The following TOM1 variants were observed in gnomAD, a reference collection of about 807,000 sequenced individuals.
TOM1 encodes the protein target of myb1 membrane trafficking protein, also known as target of Myb protein 1.
In TOM1, 38 loss-of-function variants were observed where a neutral mutation model predicts 61.3. The ratio of observed to expected loss-of-function variants is 0.62; its 90% CI spans 0.48 to 0.81. The LOEUF (loss-of-function observed/expected upper bound fraction) is 0.81. Among genes scored for constraint, TOM1 ranks in the 40% least tolerant of loss-of-function variants. The probability of loss-of-function intolerance (pLI) is 0.00; values close to 1 mark genes in which losing one functional copy is unlikely to be tolerated. For missense variants in TOM1, 591 were observed against 659.6 expected (o/e 0.90, Z 1.14); for synonymous variants, 270 against 268.8 (o/e 1.00, Z -0.04).
chr22:35,347,544 T>C lies in TOM1; in HGVS notation c.*335T>C. 1 of 211,776 alleles carries C rather than the reference T, an allele frequency of 4.7e-6. No individual in the cohort carries two copies. Among genetic ancestry groups the C allele is most frequent in the Non-Finnish European group, 9.4e-6 (1 of 106,692 alleles). 13.1% of individuals were successfully genotyped at this position (211,776 alleles called of 1,614,324 possible). A position where few individuals can be genotyped will look rare whatever the true frequency, so the allele number is the denominator to read the frequency against. ...AGTGTGACTCTCCTTCACTGAGTGA[T>C]ACCCTGCTCCGGGCCCATGCCCCAA... is the stretch of plus-strand genomic sequence containing the variant. On this transcript the variant is annotated 3_prime_UTR_variant, in exon 15 of 15. Transcript: ENST00000449058.
At chr22:35,315,815 C>T (rs1927230969) in intron 1 of TOM1, among the ~76,000 whole-genome samples, 1 of 152,236 alleles carries the variant, frequency 6.6e-6, no homozygotes, top group Non-Finnish European at 1.5e-5. Context: ...CCTCCTCTGT[C>T]CTCCGGCAGA....
At chr22:35,314,981 C>T (rs1178466699) in intron 1 of TOM1, among the ~76,000 whole-genome samples, 1 of 152,170 alleles carries the variant, frequency 6.6e-6, no homozygotes, top group Non-Finnish European at 1.5e-5. Flanking sequence ...TGGCATATAA[C>T]TTGGGAAGTT....
intron 1 of TOM1, among the ~76,000 whole-genome samples, chr22:35,309,513 G>A (rs1281732292): frequency 6.6e-6 from 1 of 151,988 alleles, no homozygotes; most frequent in Non-Finnish European, 1.5e-5. Flanking sequence ...ATGTGGTGGT[G>A]GGCGCCTGTA....
intron 8 of TOM1, chr22:35,331,271 TC>T (rs1331496841): frequency 2.2e-6 from 1 of 447,142 alleles, no homozygotes; most frequent in African/African-American, 2.0e-5. Context: ...AATTTTCTTT[TC>T]TTTTTTTTTT....
intron 12 of TOM1, among the ~76,000 whole-genome samples, chr22:35,339,670 C>T (rs554944617): frequency 1.8e-4 from 28 of 151,720 alleles, no homozygotes; most frequent in Non-Finnish European, 3.5e-4. Flanking sequence ...TTTGGGAGGC[C>T]GAGGCGGGCG....
chr22:35,303,267 A>G (rs1462970421), intron 1 of TOM1, among the ~76,000 whole-genome samples: 1 of 151,892 alleles, frequency 6.6e-6, no homozygotes, highest in Non-Finnish European at 1.5e-5. Context: ...GGCTTGCCCC[A>G]AGCCCGACGT....
At chr22:35,319,199 G>A (rs1927562653) in intron 2 of TOM1, among the ~76,000 whole-genome samples, 1 of 152,184 alleles carries the variant, frequency 6.6e-6, no homozygotes, top group African/African-American at 2.4e-5. Flanking sequence ...GGACGTCGCA[G>A]CTGCAAGTCA....
intron 1 of TOM1, among the ~76,000 whole-genome samples, chr22:35,307,890 A>G (rs1330541164): frequency 4.6e-5 from 7 of 152,210 alleles, no homozygotes; most frequent in African/African-American, 1.7e-4. Flanking sequence ...GCCAGGGGAG[A>G]AAGATAGTTG....
Position 35,334,332 on chromosome 22 carries a change from GGGCTCCAGCAGTGTGAGAGCT to G in TOM1, c.1036_1056del (p.Ser346_Gly352del). The G allele has an allele frequency of 6.2e-7, 1 of 1,613,020 alleles. No individual in the cohort carries two copies. The highest frequency in any genetic ancestry group is 1.7e-5 in the Admixed American group (1 of 59,808). ...GTGGCCTTTCTGTCCCTGCAGACCT[GGGCTCCAGCAGTGTGAGAGCT>G]GGCCTGCAGTCTCTGGAGGCCTCTG... On this transcript the variant is annotated inframe_deletion, in exon 11 of 15. Transcript: ENST00000449058.
chr22:35,343,682 CACACCTACACACTCAT>C (rs1214124916), intron 12 of TOM1, among the ~76,000 whole-genome samples: 22 of 134,392 alleles, frequency 1.6e-4, no homozygotes, highest in African/African-American at 6.0e-4. Flanking sequence ...TTACACACAC[CACACCTACACACTCAT>C]ACACCTACAC....
intron 1 of TOM1, 57 bp from the exon 2 acceptor site, chr22:35,317,820 T>G: frequency 7.3e-7 from 1 of 1,378,372 alleles, no homozygotes; most frequent in Non-Finnish European, 1.0e-6. Flanking sequence ...CACCCACGGT[T>G]TGAGTTTACC....
intron 6 of TOM1, among the ~76,000 whole-genome samples, chr22:35,324,412 CAAAAAAA>C (rs58401864): frequency 1.6e-4 from 10 of 61,190 alleles, no homozygotes; most frequent in Non-Finnish European, 3.2e-4. Context: ...AGACCTGTTT[CAAAAAAA>C]AAAAAAAAAA....
In TOM1 at chr22:35,323,138, A is replaced by G. The variant is rs1444748461; in HGVS notation, c.327A>G (p.Pro109=). ...GGACCATCCTGCCCAAGAACAACCC[A>G]CCCACCATCGTGCATGACAAAGTGC... is the stretch of plus-strand genomic sequence containing the variant. ...LVRTILPKNN[P]PTIVHDKVLN... is the part of the protein sequence containing the mutation. Residue 109 remains proline (P), a synonymous_variant, in exon 4 of 15, where the codon CCA becomes CCG. Transcript: ENST00000449058. This position sits in a 1 kb window ranked among gnomAD's most constrained non-coding sequence, Gnocchi z 4.2. 1 of 1,613,964 alleles carries G rather than the reference A, an allele frequency of 6.2e-7. No homozygotes were observed. Among genetic ancestry groups the G allele is most frequent in the Admixed American group, 1.7e-5 (1 of 60,004 alleles).
chr22:35,343,218 C>T (rs1387605164), intron 12 of TOM1, among the ~76,000 whole-genome samples: 2 of 145,300 alleles, frequency 1.4e-5, no homozygotes, highest in Admixed American at 6.8e-5. Flanking sequence ...CACACCCCTA[C>T]ACACACCACA....
chr22:35,307,537 G>A (rs563698705), intron 1 of TOM1, among the ~76,000 whole-genome samples: 10 of 152,282 alleles, frequency 6.6e-5, no homozygotes, highest in South Asian at 2.1e-4. Flanking sequence ...GCCCCTTCCC[G>A]GCTGTGTCCC....
intron 1 of TOM1, among the ~76,000 whole-genome samples, chr22:35,302,448 G>C (rs1925916125): frequency 1.1e-5 from 1 of 89,836 alleles, no homozygotes; most frequent in African/African-American, 3.0e-5. Flanking sequence ...CGATTCTCCT[G>C]CCTCAGCCTC....
At chr22:35,318,317 C>T (rs1004123287) in intron 2 of TOM1, 6 of 344,436 alleles carry the variant, frequency 1.7e-5, no homozygotes, top group East Asian at 1.1e-4. Flanking sequence ...ATTCTGCAGG[C>T]GGGAGTGTGT....
intron 1 of TOM1, among the ~76,000 whole-genome samples, chr22:35,314,525 C>T (rs1368229737): frequency 6.6e-6 from 1 of 152,168 alleles, no homozygotes; most frequent in Admixed American, 6.5e-5. Context: ...GTCCCCGCTT[C>T]CCTTTAAAAG....
chr22:35,318,185 CCT>C, intron 2 of TOM1: 3 of 579,796 alleles, frequency 5.2e-6, no homozygotes, highest in Non-Finnish European at 9.3e-6. Flanking sequence ...CCCCACCCCG[CCT>C]CTCTTAGTGG....
Sources: gnomAD v4.1 joint callset for allele counts (sites outside exome capture counted in the v4.1 genomes callset) on GRCh38, gnomAD v4.1.1 for gene constraint, Gnocchi (gnomAD v3.1) non-coding constraint, MANE v1.5 for transcripts, NCBI Gene and HGNC (gene_info 2026-07-23, HGNC 2026-07-21) for gene names.